NKAIN3: variants seen among roughly 807,000 people sequenced by gnomAD.
NKAIN3 encodes the protein sodium/potassium-transporting ATPase subunit beta-1-interacting protein 3.
NKAIN3 carries 25 observed loss-of-function variants against 30.2 expected under a neutral mutation model. That is an observed-to-expected ratio of 0.83 (90% CI 0.60 to 1.16). The LOEUF (loss-of-function observed/expected upper bound fraction) is 1.16. Among genes scored for constraint, NKAIN3 ranks in the 50% most tolerant of loss-of-function variants. The pLI is 0.00. For synonymous variants in NKAIN3, 91 were observed against 89.6 expected (o/e 1.02, Z -0.09); for missense variants, 225 against 254.1 (o/e 0.89, Z 0.78).
At chr8:62,310,299 T>C (rs1814387539) in intron 1 of NKAIN3, among the ~76,000 whole-genome samples, 1 of 150,476 alleles carries the variant, frequency 6.6e-6, no homozygotes, top group South Asian at 2.1e-4. Flanking sequence ...ATTTTGCCTG[T>C]TTTTTGAAAG....
chr8:62,888,430 A>G (rs1821207225), intron 4 of NKAIN3, among the ~76,000 whole-genome samples: 1 of 152,162 alleles, frequency 6.6e-6, no homozygotes, highest in African/African-American at 2.4e-5. Flanking sequence ...CAAATGGTCC[A>G]CTGTAAGCCT....
intron 4 of NKAIN3, among the ~76,000 whole-genome samples, chr8:62,822,463 T>G (rs1257542100): frequency 6.6e-6 from 1 of 152,188 alleles, no homozygotes; most frequent in East Asian, 1.9e-4. Flanking sequence ...GCATGGCTTC[T>G]TAAGTATTAG....
intron 1 of NKAIN3, among the ~76,000 whole-genome samples, chr8:62,420,990 C>A (rs192605819): frequency 6.6e-6 from 1 of 152,310 alleles, no homozygotes; most frequent in Admixed American, 6.5e-5. Flanking sequence ...CATGAGATGA[C>A]TATATCGGGT....
intron 6 of NKAIN3, among the ~76,000 whole-genome samples, chr8:62,963,610 G>A (rs556902552): frequency 3.3e-5 from 5 of 152,256 alleles, no homozygotes; most frequent in East Asian, 1.9e-4. Flanking sequence ...TCCTTCTAAC[G>A]TAAAGATTGC....
intron 3 of NKAIN3, among the ~76,000 whole-genome samples, chr8:62,628,742 C>T (rs964294554): frequency 3.9e-5 from 6 of 151,976 alleles, no homozygotes; most frequent in Admixed American, 1.3e-4. Flanking sequence ...TCAAGAAGTT[C>T]TTATAGATTT....
At chr8:62,318,472 T>G (rs1228878065) in intron 1 of NKAIN3, among the ~76,000 whole-genome samples, 1 of 152,222 alleles carries the variant, frequency 6.6e-6, no homozygotes, top group Non-Finnish European at 1.5e-5. Context: ...ATACATCCCA[T>G]CAATACCTAA....
chr8:62,943,467 G>A (rs765929332), intron 5 of NKAIN3, among the ~76,000 whole-genome samples: 5 of 152,046 alleles, frequency 3.3e-5, no homozygotes, highest in Non-Finnish European at 5.9e-5. Context: ...CAACCACTAC[G>A]GAAAAAAATG....
At chr8:62,877,517 A>C (rs901807194) in intron 4 of NKAIN3, among the ~76,000 whole-genome samples, 1 of 152,210 alleles carries the variant, frequency 6.6e-6, no homozygotes, top group Non-Finnish European at 1.5e-5. Context: ...CTGCCAGATA[A>C]TGACTTGGAA....
chr8:62,875,731 C>A (rs1243409200), intron 4 of NKAIN3, among the ~76,000 whole-genome samples: 2 of 151,990 alleles, frequency 1.3e-5, no homozygotes, highest in Non-Finnish European at 2.9e-5. Context: ...GGGAAAGGAT[C>A]TCCTCCTATT....
intron 4 of NKAIN3, among the ~76,000 whole-genome samples, chr8:62,753,133 C>T (rs1257623631): frequency 2.0e-5 from 3 of 151,846 alleles, no homozygotes; most frequent in Admixed American, 6.6e-5. Context: ...TAGTTGAATT[C>T]TAAGCACTGT....
In NKAIN3 at chr8:62,980,318, C is replaced by T. The variant is rs373414207; in HGVS notation, c.*14911C>T. On this transcript the variant is annotated 3_prime_UTR_variant, in exon 7 of 7. Coordinates refer to ENST00000623646, the MANE Select transcript of NKAIN3 (RefSeq NM_001304533.3). ...TGACAATTCTTTTTAAAGGGGATTG[C>T]TCTTTTCTCCTTCTGGTTTCTCAAA... 3.3e-5 allele frequency: 5 copies of T among 152,160 alleles called. No individual in the cohort carries two copies. In the East Asian group the frequency reaches 5.8e-4, roughly 18 times the overall value. The allele number at this position is 152,160 out of a possible 1,614,324, so 9.4% of individuals were successfully genotyped here.
At chr8:62,878,505 T>C (rs1586302295) in intron 4 of NKAIN3, among the ~76,000 whole-genome samples, 1 of 151,970 alleles carries the variant, frequency 6.6e-6, no homozygotes, top group East Asian at 1.9e-4. Context: ...TCTGTTGTTG[T>C]GTTTTTATTA....
chr8:62,527,036 A>G (rs1043779272), intron 1 of NKAIN3, among the ~76,000 whole-genome samples: 2 of 152,146 alleles, frequency 1.3e-5, no homozygotes, highest in Non-Finnish European at 2.9e-5. Context: ...TTCTCACATC[A>G]GCATCTATAA....
intron 5 of NKAIN3, among the ~76,000 whole-genome samples, chr8:62,949,521 C>T (rs2130892353): frequency 6.6e-6 from 1 of 152,300 alleles, no homozygotes; most frequent in African/African-American, 2.4e-5. Flanking sequence ...AATATTATTT[C>T]TTCCAAGAAG....
intron 4 of NKAIN3, among the ~76,000 whole-genome samples, chr8:62,771,748 A>C (rs1342548297): frequency 6.6e-6 from 1 of 152,118 alleles, no homozygotes; most frequent in Admixed American, 6.6e-5. Context: ...CTGAAAATCA[A>C]GGAGAAATTC....
chr8:62,260,499 G>T (rs572424147), intron 1 of NKAIN3, among the ~76,000 whole-genome samples: 1 of 152,256 alleles, frequency 6.6e-6, no homozygotes, highest in East Asian at 1.9e-4. Context: ...AAATCATCTA[G>T]AGCCATTGTT....
At chr8:62,886,315 C>T (rs903055840) in intron 4 of NKAIN3, among the ~76,000 whole-genome samples, 1 of 151,920 alleles carries the variant, frequency 6.6e-6, no homozygotes. Context: ...TGTATCACTA[C>T]TTATTTATTT....
At chr8:62,879,001 T>A (rs1325755459) in intron 4 of NKAIN3, among the ~76,000 whole-genome samples, 3 of 152,066 alleles carry the variant, frequency 2.0e-5, no homozygotes, top group Non-Finnish European at 4.4e-5. Context: ...TAGCAGCATG[T>A]TTTATAATCC....
At chr8:62,541,546 C>G (rs1808840807) in intron 1 of NKAIN3, among the ~76,000 whole-genome samples, 1 of 152,014 alleles carries the variant, frequency 6.6e-6, no homozygotes, top group Non-Finnish European at 1.5e-5. Context: ...TATCTGAAAA[C>G]TTTTTCTTGT....
Sources: gnomAD v4.1 joint callset for allele counts (sites outside exome capture counted in the v4.1 genomes callset) on GRCh38, gnomAD v4.1.1 for gene constraint, MANE v1.5 for transcripts, NCBI Gene and HGNC (gene_info 2026-07-23, HGNC 2026-07-21) for gene names.